The following TTLL5 variants were observed in gnomAD, a reference collection of about 807,000 sequenced individuals.
TTLL5 encodes tubulin polyglutamylase TTLL5.
In TTLL5, 132 loss-of-function variants were observed where a neutral mutation model predicts 168.4. That is an observed-to-expected ratio of 0.78 (90% CI 0.68 to 0.91). The LOEUF (loss-of-function observed/expected upper bound fraction) is 0.91, where lower values mean the gene tolerates loss of function less well. Among genes scored for constraint, TTLL5 ranks in the 40% least tolerant of loss-of-function variants. The pLI, the probability that TTLL5 is intolerant of heterozygous loss-of-function variation, is 0.00. For missense variants in TTLL5, 1,545 were observed against 1,581.5 expected, an observed-to-expected ratio of 0.98 and a Z score of 0.39; for synonymous variants, 546 against 558.6, an observed-to-expected ratio of 0.98 and a Z score of 0.32.
At chr14:75,666,457 C>T (rs1016368565) in intron 2 of TTLL5, among the ~76,000 whole-genome samples, 1 of 152,172 alleles carries the variant, frequency 6.6e-6, no homozygotes, top group Non-Finnish European at 1.5e-5. Context: ...CGTAGAAGAA[C>T]GTGATGTAAG....
intron 21 of TTLL5, among the ~76,000 whole-genome samples, chr14:75,773,949 G>GAAAGAGAGAA (rs1195340263): frequency 2.2e-4 from 10 of 46,336 alleles, no homozygotes; most frequent in African/African-American, 7.9e-4. Flanking sequence ...GAGAGAGAGA[G>GAAAGAGAGAA]AGAGAGAAAG....
intron 29 of TTLL5, among the ~76,000 whole-genome samples, chr14:75,866,619 G>A (rs2030539053): frequency 6.6e-6 from 1 of 152,160 alleles, no homozygotes; most frequent in South Asian, 2.1e-4. Context: ...CTCTCATTGT[G>A]TACATAGGAA....
chr14:75,779,587 G>C lies in TTLL5; in HGVS notation c.2400G>C (p.Leu800=), dbSNP rs1891925003. ...CTCCTCATTTCAGTGAGGCTGAACTGGAGGAGGTGTTGACTTTTTATACCC... is the reference window on the plus strand; with the variant it reads ...CTCCTCATTTCAGTGAGGCTGAACTCGAGGAGGTGTTGACTTTTTATACCC... ...EFIRQASEAE[L]EEVLTFYTQK... Residue 800 remains leucine (L), a synonymous_variant, in exon 24 of 32, where the codon CTG becomes CTC. Coordinates refer to ENST00000298832, the MANE Select transcript of TTLL5 (RefSeq NM_015072.5). The C allele has an allele frequency of 6.2e-7, 1 of 1,613,592 alleles. No homozygotes were observed. Among genetic ancestry groups the C allele is most frequent in the Middle Eastern group, 1.7e-4 (1 of 6,056 alleles).
intron 27 of TTLL5, among the ~76,000 whole-genome samples, chr14:75,816,223 G>A (rs944034815): frequency 3.9e-5 from 6 of 152,176 alleles, no homozygotes; most frequent in Non-Finnish European, 5.9e-5. Context: ...GAGGTCAGGG[G>A]TTACCAGCCT....
chr14:75,863,296 C>G (rs1566635480), intron 28 of TTLL5, among the ~76,000 whole-genome samples: 1 of 152,138 alleles, frequency 6.6e-6, no homozygotes, highest in South Asian at 2.1e-4. Context: ...GCATCTGTTC[C>G]TGCCTTAAGT....
At chr14:75,930,185 A>G (rs2034228501) in intron 31 of TTLL5, among the ~76,000 whole-genome samples, 1 of 152,202 alleles carries the variant, frequency 6.6e-6, no homozygotes, top group Admixed American at 6.5e-5. Flanking sequence ...GCACAATACT[A>G]GGTGCATGTA....
At chr14:75,879,895 A>G (rs905499549) in intron 29 of TTLL5, among the ~76,000 whole-genome samples, 1 of 152,162 alleles carries the variant, frequency 6.6e-6, no homozygotes, top group African/African-American at 2.4e-5. Flanking sequence ...CTTGATTTGT[A>G]CTCACAGATA....
chr14:75,669,652 C>CT (rs1414491941), intron 3 of TTLL5, 130 bp downstream of exon 3: 17 of 566,104 alleles, frequency 3.0e-5, no homozygotes, highest in Non-Finnish European at 4.9e-5. Flanking sequence ...AGTTGTTATA[C>CT]TTCAAACATT....
intron 31 of TTLL5, among the ~76,000 whole-genome samples, chr14:75,938,203 A>G (rs917301883): frequency 2.6e-5 from 4 of 152,254 alleles, no homozygotes; most frequent in South Asian, 2.1e-4. Context: ...ATGATGACTG[A>G]ATGTTAAACT....
intron 31 of TTLL5, among the ~76,000 whole-genome samples, chr14:75,924,623 C>A (rs1290481106): frequency 6.6e-6 from 1 of 151,900 alleles, no homozygotes; most frequent in Non-Finnish European, 1.5e-5. Context: ...TCAACAGGAT[C>A]CCAAGGCAGA....
intron 26 of TTLL5, 27 bp from the exon 27 acceptor site, chr14:75,792,889 A>T (rs1367744027): frequency 1.3e-6 from 2 of 1,517,496 alleles, no homozygotes; most frequent in South Asian, 1.3e-5. Flanking sequence ...TTCCTAAATG[A>T]GTGAAAACTT....
At chr14:75,899,805 A>G (rs889435895) in intron 30 of TTLL5, among the ~76,000 whole-genome samples, 2 of 151,988 alleles carry the variant, frequency 1.3e-5, no homozygotes, top group African/African-American at 2.4e-5. Flanking sequence ...GGAGAGGGAA[A>G]AGTTTCAAGA....
intron 28 of TTLL5, among the ~76,000 whole-genome samples, chr14:75,858,992 A>T (rs1897278092): frequency 6.6e-6 from 1 of 152,212 alleles, no homozygotes; most frequent in South Asian, 2.1e-4. Flanking sequence ...GACAATTGAA[A>T]GCACACTCAC....
intron 27 of TTLL5, among the ~76,000 whole-genome samples, chr14:75,793,704 T>C (rs1011391682): frequency 6.6e-6 from 1 of 152,196 alleles, no homozygotes; most frequent in East Asian, 1.9e-4. Context: ...TATATAGATA[T>C]TAACAATCTT....
At chr14:75,709,093 G>A (rs1046718361) in intron 9 of TTLL5, 2 of 690,236 alleles carry the variant, frequency 2.9e-6, no homozygotes, top group African/African-American at 3.5e-5. Context: ...TTGTTATAAA[G>A]CATAGCAGTT....
At chr14:75,924,326 C>T (rs931030252) in intron 31 of TTLL5, among the ~76,000 whole-genome samples, 10 of 150,298 alleles carry the variant, frequency 6.7e-5, no homozygotes, top group East Asian at 1.9e-4. Context: ...GGGTGTTTCT[C>T]GCAGAGGGGG....
intron 21 of TTLL5, among the ~76,000 whole-genome samples, chr14:75,775,017 G>C (rs907385494): frequency 8.0e-5 from 12 of 150,280 alleles, no homozygotes; most frequent in African/African-American, 2.4e-4. Flanking sequence ...TGTGTTTCTG[G>C]TGTTTCTAAC....
At chr14:75,927,518 A>G (rs2034115893) in intron 31 of TTLL5, among the ~76,000 whole-genome samples, 1 of 152,224 alleles carries the variant, frequency 6.6e-6, no homozygotes, top group South Asian at 2.1e-4. Flanking sequence ...AACATAAGCA[A>G]ATTGTCTTCA....
chr14:75,844,304 A>G (rs1896426257), intron 28 of TTLL5, among the ~76,000 whole-genome samples: 1 of 152,164 alleles, frequency 6.6e-6, no homozygotes. Context: ...TTAATACACA[A>G]ATGGTTTAGA....
Sources: gnomAD v4.1 joint callset for allele counts (sites outside exome capture counted in the v4.1 genomes callset) on GRCh38, gnomAD v4.1.1 for gene constraint, MANE v1.5 for transcripts, NCBI Gene and HGNC (gene_info 2026-07-23, HGNC 2026-07-21) for gene names.